ALG9: variants seen among roughly 807,000 people sequenced by gnomAD.
The protein encoded by ALG9 is alpha-1,2-mannosyltransferase ALG9.
Under a neutral mutation model 81.8 loss-of-function variants are expected in ALG9, and 55 were observed. The ratio of observed to expected loss-of-function variants is 0.67; its 90% CI spans 0.54 to 0.84. The LOEUF (loss-of-function observed/expected upper bound fraction) is 0.84. Among genes scored for constraint, ALG9 ranks in the 40% least tolerant of loss-of-function variants. The probability of loss-of-function intolerance (pLI) is 0.00; values close to 1 mark genes in which losing one functional copy is unlikely to be tolerated. For synonymous variants in ALG9, 278 were observed against 274.3 expected, an observed-to-expected ratio of 1.01 and a Z score of -0.13; for missense variants, 629 against 745.0, an observed-to-expected ratio of 0.84 and a Z score of 1.81.
At chr11:111,810,485 G>T (rs1950546635) in intron 13 of ALG9, among the ~76,000 whole-genome samples, 1 of 152,176 alleles carries the variant, frequency 6.6e-6, no homozygotes, top group Non-Finnish European at 1.5e-5. Context: ...GCCAGGTCCG[G>T]TGACTCTCGC....
chr11:111,793,354 A>G (rs1375856732), intron 14 of ALG9, among the ~76,000 whole-genome samples: 1 of 152,206 alleles, frequency 6.6e-6, no homozygotes, highest in Admixed American at 6.5e-5. Flanking sequence ...CTGCTGTTCT[A>G]GATTATTTTA....
At chr11:111,809,798 TC>T in intron 13 of ALG9, 25 bp from the exon 14 acceptor site, 1 of 1,613,320 alleles carries the variant, frequency 6.2e-7, no homozygotes, top group Non-Finnish European at 8.5e-7. Context: ...GGCCAACTCT[TC>T]ATTAGTAATT....
At chr11:111,789,194 T>C (rs1394381534) in intron 14 of ALG9, among the ~76,000 whole-genome samples, 1 of 152,118 alleles carries the variant, frequency 6.6e-6, no homozygotes, top group East Asian at 1.9e-4. Flanking sequence ...GGAGGATTGG[T>C]AGTTCATAAT....
At chr11:111,869,775 C>A (rs546681685) in intron 2 of ALG9, among the ~76,000 whole-genome samples, 48 of 152,264 alleles carry the variant, frequency 3.2e-4, no homozygotes, top group Middle Eastern at 3.4e-3. Flanking sequence ...ATCGCTTGAG[C>A]CTAGGAGTTA....
chr11:111,794,872 A>G (rs1362247626), intron 14 of ALG9, among the ~76,000 whole-genome samples: 4 of 152,218 alleles, frequency 2.6e-5, no homozygotes, highest in Admixed American at 2.0e-4. Flanking sequence ...TCAGTTCTGA[A>G]GAGAATCTCA....
At chr11:111,804,105 C>T (rs562735663) in intron 14 of ALG9, among the ~76,000 whole-genome samples, 11 of 130,390 alleles carry the variant, frequency 8.4e-5, no homozygotes, top group South Asian at 5.3e-4. Flanking sequence ...TGCACTCCAG[C>T]GTGTGTGACA....
chr11:111,846,319 A>G (rs1956940695), intron 8 of ALG9, among the ~76,000 whole-genome samples: 1 of 152,186 alleles, frequency 6.6e-6, no homozygotes, highest in Non-Finnish European at 1.5e-5. Flanking sequence ...CCAGACAGAA[A>G]AGGGGTTATC....
intron 5 of ALG9, among the ~76,000 whole-genome samples, chr11:111,859,845 C>A (rs1959416847): frequency 6.6e-6 from 1 of 151,934 alleles, no homozygotes; most frequent in Non-Finnish European, 1.5e-5. Flanking sequence ...CTGGTACACA[C>A]AAGCAGAAAC....
At chr11:111,824,049 A>G (rs1258616866) in intron 13 of ALG9, among the ~76,000 whole-genome samples, 1 of 152,240 alleles carries the variant, frequency 6.6e-6, no homozygotes, top group Non-Finnish European at 1.5e-5. Flanking sequence ...ACATATCTCA[A>G]AATAAACAAA....
intron 13 of ALG9, among the ~76,000 whole-genome samples, chr11:111,830,850 T>C (rs1040027164): frequency 6.6e-6 from 1 of 152,090 alleles, no homozygotes; most frequent in African/African-American, 2.4e-5. Flanking sequence ...CTGTCATATA[T>C]AAACTAGAAA....
chr11:111,825,692 T>C (rs610394), intron 13 of ALG9, among the ~76,000 whole-genome samples: 6,181 of 152,276 alleles, frequency 0.041, 424 homozygotes, highest in African/African-American at 0.14. Context: ...AGTTTGTTTC[T>C]TCTACTAGAC....
intron 9 of ALG9, among the ~76,000 whole-genome samples, chr11:111,843,733 T>A (rs1444874581): frequency 6.6e-6 from 1 of 151,430 alleles, no homozygotes; most frequent in Non-Finnish European, 1.5e-5. Context: ...AAACACCAGC[T>A]GTGCACTACA....
intron 5 of ALG9, among the ~76,000 whole-genome samples, chr11:111,860,000 G>T (rs962302324): frequency 6.6e-6 from 1 of 152,122 alleles, no homozygotes; most frequent in Admixed American, 6.6e-5. Flanking sequence ...GCTCTAGAGT[G>T]AGGTTTTTAT....
chr11:111,797,639 G>A (rs1185659266), intron 14 of ALG9, among the ~76,000 whole-genome samples: 5 of 152,324 alleles, frequency 3.3e-5, no homozygotes, highest in East Asian at 1.9e-4. Context: ...CACTCCAGTC[G>A]TCTTATCTTC....
intron 6 of ALG9, 56 bp from the exon 7 acceptor site, chr11:111,853,792 A>G (rs1958211543): frequency 1.4e-6 from 2 of 1,402,156 alleles, no homozygotes; most frequent in Admixed American, 3.4e-5. Flanking sequence ...GAGACAAATC[A>G]GATTCACACA....
intron 14 of ALG9, among the ~76,000 whole-genome samples, chr11:111,806,049 A>G (rs543845449): frequency 3.3e-5 from 5 of 152,122 alleles, no homozygotes; most frequent in South Asian, 4.2e-4. Context: ...TAGTAGAGAC[A>G]GGGTTTCGCT....
At chr11:111,780,608 G>A (rs978200443), downstream of ALG9, among the ~76,000 whole-genome samples, 4 of 151,906 alleles carry the variant, frequency 2.6e-5, no homozygotes, top group Non-Finnish European at 4.4e-5. Flanking sequence ...TGTAGGCCAG[G>A]CTGGTCTCGA....
At chr11:111,839,787 A>C (rs1955931484) in intron 10 of ALG9, among the ~76,000 whole-genome samples, 1 of 152,210 alleles carries the variant, frequency 6.6e-6, no homozygotes, top group Non-Finnish European at 1.5e-5. Flanking sequence ...ATTTTTTAAA[A>C]CTATCACCTA....
At chr11:111,857,247 G>A (rs1958847175) in intron 6 of ALG9, among the ~76,000 whole-genome samples, 1 of 152,134 alleles carries the variant, frequency 6.6e-6, no homozygotes, top group African/African-American at 2.4e-5. Flanking sequence ...AAAAAGGCCT[G>A]GATTCAAAAG....
Sources: gnomAD v4.1 joint callset for allele counts (sites outside exome capture counted in the v4.1 genomes callset) on GRCh38, gnomAD v4.1.1 for gene constraint, MANE v1.5 for transcripts, NCBI Gene and HGNC (gene_info 2026-07-23, HGNC 2026-07-21) for gene names.